ANKFN1: variants seen among roughly 807,000 people sequenced by gnomAD.
ANKFN1 encodes ankyrin repeat and fibronectin type III domain containing 1, also known as ankyrin repeat and fibronectin type-III domain-containing protein 1.
A neutral mutation model predicts 108.7 loss-of-function variants in ANKFN1; 74 were observed. The observed-to-expected ratio is 0.68, with a 90% CI of 0.56 to 0.83. The LOEUF (loss-of-function observed/expected upper bound fraction) is 0.83, where lower values mean the gene tolerates loss of function less well. ANKFN1 is among the 40% of genes least tolerant of loss of function. ANKFN1 has a pLI of 0.00. For missense variants in ANKFN1, 1,505 were observed against 1,382.3 expected (o/e 1.09, Z -1.41); for synonymous variants, 547 against 516.2 (o/e 1.06, Z -0.81).
intron 3 of ANKFN1, among the ~76,000 whole-genome samples, chr17:56,283,568 AT>A (rs898129269): frequency 6.8e-6 from 1 of 147,820 alleles, no homozygotes; most frequent in African/African-American, 2.6e-5. Flanking sequence ...ATAAAAAGGA[AT>A]GAATTAATGG....
At chr17:56,367,037 C>T (rs1231982373) in intron 6 of ANKFN1, among the ~76,000 whole-genome samples, 1 of 152,188 alleles carries the variant, frequency 6.6e-6, no homozygotes, top group Admixed American at 6.5e-5. Flanking sequence ...CCTTCTAACT[C>T]TGAGATTAAA....
chr17:56,296,035 T>G (rs541777753), intron 3 of ANKFN1, among the ~76,000 whole-genome samples: 1 of 152,326 alleles, frequency 6.6e-6, no homozygotes, highest in East Asian at 1.9e-4. Flanking sequence ...TATAAAAGTA[T>G]GGATGTATAT....
chr17:56,505,341 C>T (rs542367645), intron 20 of ANKFN1, among the ~76,000 whole-genome samples: 1 of 152,338 alleles, frequency 6.6e-6, no homozygotes, highest in South Asian at 2.1e-4. Flanking sequence ...TTCCACTCAA[C>T]ATGCTTTACT....
At chr17:56,369,935 A>G (rs904167698) in intron 6 of ANKFN1, among the ~76,000 whole-genome samples, 3 of 152,160 alleles carry the variant, frequency 2.0e-5, no homozygotes, top group African/African-American at 7.2e-5. Context: ...CCCTTTTTTC[A>G]AAATCTTCAA....
chr17:56,135,741 G>T lies in ANKFN1; in HGVS notation c.288+89416G>T, dbSNP rs367993852. 2.8e-4 allele frequency among the ~76,000 whole-genome samples: 43 copies of T among 152,144 alleles called. No individual in the cohort carries two copies. In the East Asian group the frequency reaches 3.7e-3, roughly 13 times the overall value. The stretch of plus-strand genomic sequence containing the variant: ...CTTCCTCTGAAGTTATTGATTAAGG[G>T]TTCTATTTACTCTATGTTTAAGCTT... On this transcript the variant is annotated intron_variant, in intron 4 of 12. Coordinates refer to the ANKFN1 transcript ENST00000635860.
chr17:56,509,635 T>A (rs1316602943), intron 20 of ANKFN1, among the ~76,000 whole-genome samples: 1 of 152,180 alleles, frequency 6.6e-6, no homozygotes, highest in Non-Finnish European at 1.5e-5. Flanking sequence ...AAACAAACAA[T>A]AATGGATACT....
intron 8 of ANKFN1, among the ~76,000 whole-genome samples, chr17:56,399,731 T>C (rs1316727451): frequency 6.6e-6 from 1 of 151,748 alleles, no homozygotes; most frequent in Non-Finnish European, 1.5e-5. Context: ...ATATGATGTT[T>C]GGCTTTCCGT....
At chr17:56,305,784 A>G (rs2044805022) in intron 3 of ANKFN1, among the ~76,000 whole-genome samples, 1 of 152,146 alleles carries the variant, frequency 6.6e-6, no homozygotes, top group Non-Finnish European at 1.5e-5. Context: ...TTTTATATTT[A>G]AATTTGTAGT....
chr17:56,478,781 G>C (rs1365124325), intron 16 of ANKFN1, among the ~76,000 whole-genome samples: 1 of 151,982 alleles, frequency 6.6e-6, no homozygotes, highest in Non-Finnish European at 1.5e-5. Flanking sequence ...GCATAAACTA[G>C]ATACTCCCAA....
chr17:56,188,539 A>ATGTG (rs1555607562), intron 1 of ANKFN1, among the ~76,000 whole-genome samples: 2 of 92,994 alleles, frequency 2.2e-5, no homozygotes, highest in East Asian at 3.7e-4. Context: ...ATAAAATAAG[A>ATGTG]TGTATATGTG....
intron 14 of ANKFN1, 50 bp downstream of exon 14, chr17:56,458,029 T>A: frequency 6.7e-7 from 1 of 1,501,072 alleles, no homozygotes; most frequent in Non-Finnish European, 9.2e-7. Context: ...ATTTTTAATG[T>A]AGAAAATTCA....
chr17:56,456,401 C>CTTTTTTTTTTTTTTTTTTT (rs397713657), intron 11 of ANKFN1, among the ~76,000 whole-genome samples: 1 of 115,496 alleles, frequency 8.7e-6, no homozygotes. Context: ...CTTTTTTTCT[C>CTTTTTTTTTTTTTTTTTTT]TTTTTTTTTT....
intron 4 of ANKFN1, among the ~76,000 whole-genome samples, chr17:56,331,309 A>T (rs149373897): frequency 1.7e-3 from 261 of 152,220 alleles, no homozygotes; most frequent in African/African-American, 4.3e-3. Flanking sequence ...AAATATTTCA[A>T]TCCCAGTCAG....
chr17:56,060,224 C>T (rs1904949335), intron 4 of ANKFN1, among the ~76,000 whole-genome samples: 1 of 152,100 alleles, frequency 6.6e-6, no homozygotes, highest in South Asian at 2.1e-4. Context: ...TGATTTGGCT[C>T]TCTGCTTGTC....
chr17:56,283,282 G>C (rs1033999152), intron 3 of ANKFN1, among the ~76,000 whole-genome samples: 3 of 151,970 alleles, frequency 2.0e-5, no homozygotes, highest in East Asian at 1.9e-4. Flanking sequence ...ACATGATCTC[G>C]AGGGAATGTA....
At chr17:56,085,883 T>C (rs9915748) in intron 4 of ANKFN1, among the ~76,000 whole-genome samples, 10,843 of 151,264 alleles carry the variant, frequency 0.072, 1,505 homozygotes, top group African/African-American at 0.25. Context: ...ACAAATTGGA[T>C]CGATTAAATT....
chr17:56,270,158 G>C (rs1480218726), intron 3 of ANKFN1, among the ~76,000 whole-genome samples: 1 of 152,052 alleles, frequency 6.6e-6, no homozygotes, highest in African/African-American at 2.4e-5. Flanking sequence ...GGCACTTAAA[G>C]AGCCTAGTGG....
intron 4 of ANKFN1, among the ~76,000 whole-genome samples, chr17:56,147,495 C>T (rs1008987553): frequency 5.3e-5 from 8 of 152,198 alleles, no homozygotes; most frequent in African/African-American, 1.7e-4. Context: ...GAGAAGCAGG[C>T]ACCTTCTTCA....
At chr17:56,209,477 A>G (rs182678612) in intron 1 of ANKFN1, among the ~76,000 whole-genome samples, 13 of 152,316 alleles carry the variant, frequency 8.5e-5, no homozygotes, top group Admixed American at 7.2e-4. Flanking sequence ...TGTCAAAGAG[A>G]CAGATTGTCA....
Sources: gnomAD v4.1 joint callset for allele counts (sites outside exome capture counted in the v4.1 genomes callset) on GRCh38, gnomAD v4.1.1 for gene constraint, MANE v1.5 for transcripts, NCBI Gene and HGNC (gene_info 2026-07-23, HGNC 2026-07-21) for gene names.